XPR1: variants seen among roughly 807,000 people sequenced by gnomAD.
XPR1 encodes xenotropic and polytropic retrovirus receptor 1.
XPR1 carries 28 observed loss-of-function variants against 87.5 expected under a neutral mutation model. The observed-to-expected ratio is 0.32, with a 90% CI of 0.24 to 0.44. The LOEUF (loss-of-function observed/expected upper bound fraction) is 0.44. Among genes scored for constraint, XPR1 ranks in the 20% least tolerant of loss-of-function variants. The pLI is 1.00. For synonymous variants in XPR1, 300 were observed against 306.1 expected, an observed-to-expected ratio of 0.98 and a Z score of 0.21; for missense variants, 559 against 862.3, an observed-to-expected ratio of 0.65 and a Z score of 4.41.
Position 180,632,094 on chromosome 1 carries a change from C to G in XPR1, c.-108C>G, listed in dbSNP as rs1357222398. On this transcript the variant is annotated 5_prime_UTR_variant, in exon 1 of 15. Coordinates refer to ENST00000367590, the MANE Select transcript of XPR1 (RefSeq NM_004736.4). ...CGGCGGCGGCGGAGGAGGAGAGAAG[C>G]GCAGCGCCGCGCCGCGCCGGGGCCC... The G allele has an allele frequency of 1.5e-6, 2 of 1,358,068 alleles. No individual in the cohort carries two copies. The highest frequency in any genetic ancestry group is 1.2e-5 in the South Asian group (1 of 80,224). 84.1% of individuals were successfully genotyped at this position (1,358,068 alleles called of 1,614,324 possible). A position where few individuals can be genotyped will look rare whatever the true frequency, so the allele number is the denominator to read the frequency against.
At chr1:180,821,360 C>A (rs200385852) in intron 7 of XPR1, among the ~76,000 whole-genome samples, 1 of 152,112 alleles carries the variant, frequency 6.6e-6, no homozygotes, top group South Asian at 2.1e-4. Flanking sequence ...AATCAGCCAT[C>A]GATGTATAGG....
At chr1:180,656,468 ATT>A (rs376908605) in intron 1 of XPR1, among the ~76,000 whole-genome samples, 17 of 22,734 alleles carry the variant, frequency 7.5e-4, no homozygotes, top group African/African-American at 1.6e-3. Flanking sequence ...TATATATAAT[ATT>A]TATACATTAT....
chr1:180,691,588 A>AT (rs1196622675), intron 2 of XPR1, among the ~76,000 whole-genome samples: 1 of 152,106 alleles, frequency 6.6e-6, no homozygotes, highest in Admixed American at 6.6e-5. Flanking sequence ...TTTTTCTGCC[A>AT]TTTCTTCTTT....
chr1:180,707,742 G>A (rs570368956), intron 2 of XPR1, among the ~76,000 whole-genome samples: 2 of 152,248 alleles, frequency 1.3e-5, no homozygotes, highest in East Asian at 3.9e-4. Context: ...GTTGTTTGTT[G>A]TAAACATAAA....
intron 1 of XPR1, among the ~76,000 whole-genome samples, chr1:180,659,365 T>TTCCG (rs762562625): frequency 3.2e-5 from 3 of 93,898 alleles, no homozygotes; most frequent in African/African-American, 8.2e-5. Context: ...CCTTCCGTCC[T>TTCCG]TCCGTCCGTC....
chr1:180,792,221 C>G (rs1422620477), intron 3 of XPR1, among the ~76,000 whole-genome samples: 1 of 152,160 alleles, frequency 6.6e-6, no homozygotes, highest in Non-Finnish European at 1.5e-5. Flanking sequence ...CCTCCACCCA[C>G]TTATATCTCA....
intron 2 of XPR1, among the ~76,000 whole-genome samples, chr1:180,766,347 T>G (rs533643027): frequency 5.9e-4 from 90 of 152,290 alleles, no homozygotes; most frequent in Non-Finnish European, 1.2e-3. Flanking sequence ...ACATTACTTT[T>G]CTGATGCACA....
At chr1:180,792,080 T>C (rs1435855375) in intron 3 of XPR1, among the ~76,000 whole-genome samples, 1 of 152,234 alleles carries the variant, frequency 6.6e-6, no homozygotes, top group African/African-American at 2.4e-5. Flanking sequence ...AATTTGTTTC[T>C]GGTCCTCAAC....
chr1:180,828,570 T>A (rs1650943867), intron 9 of XPR1, among the ~76,000 whole-genome samples: 1 of 152,204 alleles, frequency 6.6e-6, no homozygotes, highest in South Asian at 2.1e-4. Flanking sequence ...AACAGTCTCT[T>A]TAGTTCTATA....
chr1:180,843,465 C>T (rs1651581496), intron 11 of XPR1, among the ~76,000 whole-genome samples: 1 of 152,100 alleles, frequency 6.6e-6, no homozygotes, highest in Non-Finnish European at 1.5e-5. Context: ...TTTATCTTGG[C>T]AATATTTGCT....
chr1:180,825,132 C>T, intron 8 of XPR1, 33 bp from the exon 9 acceptor site: 1 of 1,555,564 alleles, frequency 6.4e-7, no homozygotes, highest in Non-Finnish European at 8.6e-7. Flanking sequence ...AACAATTTTT[C>T]TCTATCTTTC....
intron 2 of XPR1, among the ~76,000 whole-genome samples, chr1:180,685,869 C>T (rs1362212362): frequency 6.6e-6 from 1 of 151,728 alleles, no homozygotes; most frequent in African/African-American, 2.4e-5. Context: ...CTATTTGATT[C>T]TTCTCTCTTT....
At chr1:180,815,660 A>AT (rs995464583) in intron 7 of XPR1, among the ~76,000 whole-genome samples, 4 of 151,480 alleles carry the variant, frequency 2.6e-5, no homozygotes, top group African/African-American at 7.3e-5. Flanking sequence ...GACTGTTTAG[A>AT]TTTTTTTTTC....
intron 2 of XPR1, among the ~76,000 whole-genome samples, chr1:180,719,671 G>T (rs1422034109): frequency 1.3e-5 from 2 of 152,116 alleles, no homozygotes; most frequent in African/African-American, 4.8e-5. Flanking sequence ...TATGCAATGT[G>T]TAATGATCAA....
intron 11 of XPR1, among the ~76,000 whole-genome samples, chr1:180,850,880 G>A (rs1191658735): frequency 2.0e-5 from 3 of 151,248 alleles, no homozygotes; most frequent in African/African-American, 4.9e-5. Flanking sequence ...GATCACTTGA[G>A]CCCAGGAGTT....
chr1:180,846,345 A>G (rs72707405), intron 11 of XPR1, among the ~76,000 whole-genome samples: 17,302 of 152,180 alleles, frequency 0.11, 1,357 homozygotes, highest in Middle Eastern at 0.18. Flanking sequence ...TTGTTAATAA[A>G]TAAGGAATGT....
rs1651834545 is a variant in XPR1 at position 180,850,659 on chromosome 1, A to G, written c.1502-13049A>G. Among the ~76,000 whole-genome samples the G allele has an allele frequency of 2.0e-5, 3 of 152,168 alleles. No homozygotes were observed. In the South Asian group the frequency reaches 6.2e-4, roughly 32 times the overall value. On this transcript the variant is annotated intron_variant, in intron 11 of 14. Coordinates refer to ENST00000367590, the MANE Select transcript of XPR1 (RefSeq NM_004736.4). ...AAAATGAGCACTTGAGACACTGTGTAAAATGTATAGAATCCTGGCCAGGCA... is the reference window on the plus strand; with the variant it reads ...AAAATGAGCACTTGAGACACTGTGTGAAATGTATAGAATCCTGGCCAGGCA...
At chr1:180,848,516 G>A (rs995997826) in intron 11 of XPR1, among the ~76,000 whole-genome samples, 2 of 152,098 alleles carry the variant, frequency 1.3e-5, no homozygotes, top group Non-Finnish European at 2.9e-5. Flanking sequence ...TGGCTGAATA[G>A]TATGCCATTG....
At chr1:180,708,911 G>GA (rs1324131173) in intron 2 of XPR1, among the ~76,000 whole-genome samples, 36 of 19,354 alleles carry the variant, frequency 1.9e-3, no homozygotes, top group South Asian at 7.2e-3. Flanking sequence ...TTTTTTTTTG[G>GA]GGGGGGGGGG....
Sources: allele counts gnomAD v4.1 joint callset (sites outside exome capture counted in the v4.1 genomes callset), GRCh38; gene constraint gnomAD v4.1.1; transcripts MANE v1.5; gene names NCBI Gene and HGNC (gene_info 2026-07-23, HGNC 2026-07-21).